Variants in MACROD1 observed in about 807,000 individuals in gnomAD.
MACROD1 encodes the protein mono-ADP ribosylhydrolase 1.
Under a neutral mutation model 41.4 loss-of-function variants are expected in MACROD1, and 31 were observed. The ratio of observed to expected loss-of-function variants is 0.75; its 90% CI spans 0.56 to 1.01. MACROD1 has a LOEUF of 1.01. Among genes scored for constraint, MACROD1 ranks in the 50% least tolerant of loss-of-function variants. The pLI is 0.00. For missense variants in MACROD1, 473 were observed against 460.0 expected (o/e 1.03, Z -0.26); for synonymous variants, 252 against 203.4 (o/e 1.24, Z -2.03).
chr11:64,115,877 A>C (rs563179015), intron 3 of MACROD1, among the ~76,000 whole-genome samples: 2 of 152,316 alleles, frequency 1.3e-5, no homozygotes, highest in Admixed American at 6.5e-5. Flanking sequence ...TGAGAGAAGA[A>C]ACCAAGCCTG....
chr11:64,031,827 T>C (rs1311083430), intron 3 of MACROD1, among the ~76,000 whole-genome samples: 1 of 152,188 alleles, frequency 6.6e-6, no homozygotes, highest in Non-Finnish European at 1.5e-5. Flanking sequence ...TGAAGTGGCA[T>C]GCACAGCCCG....
At chr11:64,089,562 G>A (rs540517418) in intron 3 of MACROD1, among the ~76,000 whole-genome samples, 1 of 152,212 alleles carries the variant, frequency 6.6e-6, no homozygotes, top group Non-Finnish European at 1.5e-5. Flanking sequence ...CTGCCGGGTC[G>A]GCAGCCACGG....
At chr11:64,098,511 G>A (rs909548364) in intron 3 of MACROD1, among the ~76,000 whole-genome samples, 1 of 152,216 alleles carries the variant, frequency 6.6e-6, no homozygotes, top group Non-Finnish European at 1.5e-5. Flanking sequence ...CGGGAGAGAG[G>A]GAATAAGCAG....
At chr11:64,016,957 C>CATTT (rs1328922511) in intron 3 of MACROD1, among the ~76,000 whole-genome samples, 1 of 151,638 alleles carries the variant, frequency 6.6e-6, no homozygotes, top group Non-Finnish European at 1.5e-5. Context: ...CACAAATGCA[C>CATTT]ATTTCTTTCT....
At chr11:64,153,261 C>G (rs1488568018) in intron 1 of MACROD1, among the ~76,000 whole-genome samples, 3 of 152,186 alleles carry the variant, frequency 2.0e-5, no homozygotes, top group African/African-American at 7.2e-5. Context: ...GGCCCGAGGC[C>G]GCCTGCACAC....
Position 64,082,337 on chromosome 11 carries a change from G to T in MACROD1, c.518-67056C>A, listed in dbSNP as rs1005741512. On this transcript the variant is annotated intron_variant, in intron 3 of 10. Transcript: ENST00000255681. This position sits in a 1 kb window ranked among gnomAD's most constrained non-coding sequence, Gnocchi z 4.5. ...CGCTGGGTGGAGGATGATCCGGGGG[G>T]ACCGTGGAAGGCAGGACGGGGGCCA... Among the ~76,000 whole-genome samples, 2 of 152,028 alleles carry T rather than the reference G, an allele frequency of 1.3e-5. No homozygotes were observed. The highest frequency in any genetic ancestry group is 2.9e-5 in the Non-Finnish European group (2 of 67,982).
intron 3 of MACROD1, among the ~76,000 whole-genome samples, chr11:64,144,291 C>T (rs1474415749): frequency 6.6e-6 from 1 of 152,232 alleles, no homozygotes; most frequent in Admixed American, 6.5e-5. Flanking sequence ...GGCCAGACTC[C>T]TGCCTCTCAT....
intron 3 of MACROD1, among the ~76,000 whole-genome samples, chr11:64,080,145 G>T (rs530833432): frequency 6.6e-6 from 1 of 152,008 alleles, no homozygotes; most frequent in Non-Finnish European, 1.5e-5. Flanking sequence ...CCCGAGTAGC[G>T]GGGATTACAG....
intron 4 of MACROD1, among the ~76,000 whole-genome samples, chr11:64,008,324 A>C (rs1254451036): frequency 6.7e-6 from 1 of 149,736 alleles, no homozygotes; most frequent in African/African-American, 2.5e-5. Flanking sequence ...CCAGGGTCCC[A>C]GCATGTGTGT....
intron 3 of MACROD1, among the ~76,000 whole-genome samples, chr11:64,133,677 C>A (rs1345637413): frequency 6.6e-6 from 1 of 152,200 alleles, no homozygotes; most frequent in Non-Finnish European, 1.5e-5. Flanking sequence ...AGCAGACTGC[C>A]CCAGGGCCCC....
intron 1 of MACROD1, among the ~76,000 whole-genome samples, chr11:64,154,711 G>T (rs528023912): frequency 6.6e-6 from 1 of 152,210 alleles, no homozygotes; most frequent in South Asian, 2.1e-4. Flanking sequence ...GTTTGCTTTT[G>T]TTTACACTTA....
chr11:64,013,960 A>C (rs1943047644), intron 4 of MACROD1, among the ~76,000 whole-genome samples: 1 of 151,800 alleles, frequency 6.6e-6, no homozygotes, highest in Non-Finnish European at 1.5e-5. Context: ...GGCACTCCTC[A>C]TCAAGCTCCT....
At chr11:64,136,674 G>A (rs183982808) in intron 3 of MACROD1, among the ~76,000 whole-genome samples, 11 of 152,346 alleles carry the variant, frequency 7.2e-5, no homozygotes, top group East Asian at 5.8e-4. Context: ...CCCCGCCACC[G>A]ACCTGTGAGG....
intron 3 of MACROD1, among the ~76,000 whole-genome samples, chr11:64,074,109 C>G (rs1477099899): frequency 6.6e-6 from 1 of 152,204 alleles, no homozygotes; most frequent in Non-Finnish European, 1.5e-5. Flanking sequence ...CTTGCCTCCT[C>G]TCAAAGAAAG....
At chr11:64,071,406 C>T (rs1014201995) in intron 3 of MACROD1, among the ~76,000 whole-genome samples, 86 of 152,296 alleles carry the variant, frequency 5.6e-4, no homozygotes, top group Admixed American at 2.4e-3. Flanking sequence ...ATGAAACTCA[C>T]GGATGGAGAC....
chr11:64,152,572 C>CCTG (rs1284650163), intron 1 of MACROD1, among the ~76,000 whole-genome samples, 179 bp from the exon 2 acceptor site: 2 of 152,228 alleles, frequency 1.3e-5, no homozygotes, highest in Non-Finnish European at 2.9e-5. Flanking sequence ...AATATCTTGT[C>CCTG]CTGCTCTCTT....
chr11:64,070,612 A>C (rs775081529), intron 3 of MACROD1, among the ~76,000 whole-genome samples: 10 of 152,202 alleles, frequency 6.6e-5, no homozygotes, highest in Non-Finnish European at 1.3e-4. Context: ...CCCTTCCCAG[A>C]GGAGGAGAAA....
At chr11:64,050,421 G>A (rs1490950843) in intron 3 of MACROD1, among the ~76,000 whole-genome samples, 1 of 152,238 alleles carries the variant, frequency 6.6e-6, no homozygotes, top group Admixed American at 6.5e-5. Flanking sequence ...CCAGCCCTCA[G>A]TGTGACAGTG....
chr11:64,119,209 G>T (rs925348609), intron 3 of MACROD1: 1 of 166,268 alleles, frequency 6.0e-6, no homozygotes. Context: ...AGTAGACCGT[G>T]TGTTGGGGAT....
Sources: allele counts gnomAD v4.1 joint callset (sites outside exome capture counted in the v4.1 genomes callset), GRCh38; gene constraint gnomAD v4.1.1; non-coding constraint Gnocchi (gnomAD v3.1); transcripts MANE v1.5; gene names NCBI Gene and HGNC (gene_info 2026-07-23, HGNC 2026-07-21).